Variants in CNTNAP2 observed in about 807,000 individuals in gnomAD.
The protein encoded by CNTNAP2 is contactin associated protein 2.
CNTNAP2 carries 98 observed loss-of-function variants against 155.2 expected under a neutral mutation model. The ratio of observed to expected loss-of-function variants is 0.63; its 90% confidence interval spans 0.54 to 0.75. The LOEUF (loss-of-function observed/expected upper bound fraction) is 0.75, where lower values mean the gene tolerates loss of function less well. Ranked by LOEUF, CNTNAP2 falls within the 30% of genes least tolerant of loss-of-function variation. The pLI is 0.00. For missense variants in CNTNAP2, 1,727 were observed against 1,688.1 expected, an observed-to-expected ratio of 1.02 and a Z score of -0.40; for synonymous variants, 651 against 631.2, an observed-to-expected ratio of 1.03 and a Z score of -0.47.
At chr7:147,366,813 C>A (rs79900785) in intron 9 of CNTNAP2, among the ~76,000 whole-genome samples, 12 of 83,080 alleles carry the variant, frequency 1.4e-4, no homozygotes, top group East Asian at 4.3e-4. Context: ...ACACACACAC[C>A]CCAATGTTTA....
chr7:147,627,691 C>CAAAAA (rs138424007), intron 12 of CNTNAP2, among the ~76,000 whole-genome samples: 1 of 71,712 alleles, frequency 1.4e-5, no homozygotes, highest in Non-Finnish European at 2.6e-5. Context: ...GACTCTGTCT[C>CAAAAA]AAAAAAAAAA....
intron 4 of CNTNAP2, among the ~76,000 whole-genome samples, chr7:147,063,863 A>G (rs997378948): frequency 1.3e-5 from 2 of 152,270 alleles, no homozygotes; most frequent in Admixed American, 1.3e-4. Context: ...AAAGCAGTAT[A>G]AAAAATCTTA....
At chr7:147,958,242 A>G (rs1383869366) in intron 14 of CNTNAP2, among the ~76,000 whole-genome samples, 6 of 152,162 alleles carry the variant, frequency 3.9e-5, no homozygotes, top group Non-Finnish European at 1.5e-5. Context: ...AATATTACTC[A>G]TTGATTATAA....
At chr7:147,234,037 T>TAA (rs397791358) in intron 8 of CNTNAP2, among the ~76,000 whole-genome samples, 1,471 of 133,502 alleles carry the variant, frequency 0.011, 28 homozygotes, top group African/African-American at 0.036. Flanking sequence ...CTATCCACAG[T>TAA]AAAAAAAAAA....
At chr7:148,259,209 A>G (rs1442316468) in intron 20 of CNTNAP2, among the ~76,000 whole-genome samples, 4 of 137,092 alleles carry the variant, frequency 2.9e-5, no homozygotes, top group Non-Finnish European at 6.3e-5. Context: ...AAAAAAAAAA[A>G]GCCAGGCATG....
intron 12 of CNTNAP2, among the ~76,000 whole-genome samples, chr7:147,615,277 CAAAAAAAAAAAAAAA>C (rs58247626): frequency 3.2e-4 from 9 of 28,046 alleles, no homozygotes; most frequent in Admixed American, 7.8e-4. Flanking sequence ...GACCCTGTCT[CAAAAAAAAAAAAAAA>C]AAAAAAAAAA....
At position 147,113,142 on chromosome 7, in the gene CNTNAP2, C is replaced by A. The variant is rs147930373; in HGVS notation, c.754+4792C>A. Among the ~76,000 whole-genome samples the A allele has an allele frequency of 1.9e-3, 285 of 151,964 alleles. 2 individuals are homozygous for A. The highest frequency in any genetic ancestry group is 6.3e-3 in the African/African-American group (261 of 41,436). On this transcript the variant is annotated intron_variant, in intron 5 of 23. Transcript: ENST00000361727. ...AGGGTGCATGTGTCCAGAAATTTTC[C>A]ATTTCTTCTAGATTTTCTAGTTTAT...
intron 13 of CNTNAP2, among the ~76,000 whole-genome samples, chr7:147,769,700 T>C (rs999689900): frequency 4.6e-5 from 7 of 152,166 alleles, no homozygotes; most frequent in Admixed American, 1.3e-4. Flanking sequence ...TAAAGACCAT[T>C]GTTTGGCTTG....
At chr7:147,238,140 G>C (rs865886560) in intron 8 of CNTNAP2, among the ~76,000 whole-genome samples, 9 of 151,962 alleles carry the variant, frequency 5.9e-5, no homozygotes, top group African/African-American at 2.2e-4. Flanking sequence ...TCGGCCTCCC[G>C]AGTAGCTGGG....
At chr7:147,484,510 T>C (rs1037333338) in intron 10 of CNTNAP2, among the ~76,000 whole-genome samples, 1 of 152,262 alleles carries the variant, frequency 6.6e-6, no homozygotes, top group African/African-American at 2.4e-5. Context: ...TATGAGCTCT[T>C]CTGCAAGGCT....
At chr7:148,023,975 A>G (rs1299559812) in intron 15 of CNTNAP2, among the ~76,000 whole-genome samples, 3 of 152,152 alleles carry the variant, frequency 2.0e-5, no homozygotes, top group Non-Finnish European at 2.9e-5. Context: ...TACAGAACTG[A>G]AAGATCTTTC....
At chr7:147,454,399 C>A (rs907170623) in intron 10 of CNTNAP2, among the ~76,000 whole-genome samples, 2 of 152,066 alleles carry the variant, frequency 1.3e-5, no homozygotes, top group Non-Finnish European at 2.9e-5. Context: ...TTGCTCTTTT[C>A]TACTGTATTA....
At chr7:147,521,780 G>A (rs1460072227) in intron 11 of CNTNAP2, among the ~76,000 whole-genome samples, 1 of 152,130 alleles carries the variant, frequency 6.6e-6, no homozygotes, top group African/African-American at 2.4e-5. Context: ...GGAAACATGA[G>A]ACCAGGCGCT....
At position 146,451,456 on chromosome 7, in the gene CNTNAP2, T is replaced by C. The variant is rs186884170; in HGVS notation, c.98-322815T>C. Among the ~76,000 whole-genome samples the C allele has an allele frequency of 4.8e-3, 724 of 152,228 alleles. 30 individuals carry two copies. The highest frequency in any genetic ancestry group is 1.0e-3 in the South Asian group (5 of 4,824). On this transcript the variant is annotated intron_variant, in intron 1 of 23. Coordinates refer to ENST00000361727, the MANE Select transcript of CNTNAP2 (RefSeq NM_014141.6). ...CTGACCTTTCCACCACTCCACAGCC[T>C]ACACTCTTGACATAAACAAGGCCAG...
chr7:147,334,161 A>C (rs1795625917), intron 9 of CNTNAP2, among the ~76,000 whole-genome samples: 1 of 151,986 alleles, frequency 6.6e-6, no homozygotes. Context: ...TTAATCCAAC[A>C]CTTCTATTCT....
intron 1 of CNTNAP2, among the ~76,000 whole-genome samples, chr7:146,448,075 A>G (rs999271159): frequency 1.3e-5 from 2 of 152,042 alleles, no homozygotes; most frequent in African/African-American, 4.8e-5. Context: ...CCCATGAAGT[A>G]TGTAACTTGA....
At chr7:146,558,912 C>A (rs1798238926) in intron 1 of CNTNAP2, among the ~76,000 whole-genome samples, 1 of 152,160 alleles carries the variant, frequency 6.6e-6, no homozygotes, top group South Asian at 2.1e-4. Flanking sequence ...ATCTCTGTTG[C>A]CTGAGTGTGG....
intron 1 of CNTNAP2, among the ~76,000 whole-genome samples, chr7:146,629,056 T>G (rs2129158340): frequency 6.6e-6 from 1 of 152,280 alleles, no homozygotes; most frequent in East Asian, 1.9e-4. Flanking sequence ...CCCTTATCTT[T>G]TAGGTCACAA....
intron 2 of CNTNAP2, among the ~76,000 whole-genome samples, chr7:146,833,633 T>A (rs1176016000): frequency 3.3e-5 from 5 of 152,160 alleles, no homozygotes; most frequent in Non-Finnish European, 7.3e-5. Context: ...TATGTTTAAG[T>A]GAGTAATCAG....
Sources: gnomAD v4.1 joint callset for allele counts (sites outside exome capture counted in the v4.1 genomes callset) on GRCh38, gnomAD v4.1.1 for gene constraint, MANE v1.5 for transcripts, NCBI Gene and HGNC (gene_info 2026-07-23, HGNC 2026-07-21) for gene names.